Variants in NGF observed in about 807,000 individuals in gnomAD.
NGF encodes the protein nerve growth factor.
NGF carries 4 observed loss-of-function variants against 12.8 expected under a neutral mutation model. The ratio of observed to expected loss-of-function variants is 0.31; its 90% CI spans 0.15 to 0.72. NGF has a LOEUF of 0.72. Among genes scored for constraint, NGF ranks in the 30% least tolerant of loss-of-function variants. The probability of loss-of-function intolerance (pLI) is 0.69; values close to 1 mark genes in which losing one functional copy is unlikely to be tolerated. For synonymous variants in NGF, 140 were observed against 130.0 expected, an observed-to-expected ratio of 1.08 and a Z score of -0.52; for missense variants, 283 against 330.8, an observed-to-expected ratio of 0.86 and a Z score of 1.12.
intron 1 of NGF, among the ~76,000 whole-genome samples, chr1:115,335,342 G>A (rs1052565154): frequency 5.9e-5 from 9 of 152,282 alleles, no homozygotes; most frequent in Admixed American, 1.3e-4. Flanking sequence ...GTTATCAAGC[G>A]ATGTCTCATG....
intron 2 of NGF, among the ~76,000 whole-genome samples, chr1:115,290,386 C>CTTTTTT (rs67332447): frequency 3.1e-5 from 2 of 64,412 alleles, no homozygotes; most frequent in Admixed American, 2.5e-4. Context: ...CTTCTCTCAT[C>CTTTTTT]TTTTTTTTTT....
At position 115,330,703 on chromosome 1, in the gene NGF, C is replaced by G. The variant is rs150470804; in HGVS notation, c.-137+7501G>C. On this transcript the variant is annotated intron_variant, in intron 1 of 2. Transcript: ENST00000369512. ...GATCAGGTGGCTCAGCTCGAGTCAG[C>G]CCTGATGGGCTGTGGACTCGGTGAC... Among the ~76,000 whole-genome samples the G allele has an allele frequency of 7.5e-3, 1,076 of 143,270 alleles. 17 individuals are homozygous for G. The highest frequency in any genetic ancestry group is 0.025 in the African/African-American group (1,017 of 40,724). The allele number at this position is 143,270 out of a possible 152,430, so 94.0% of individuals were successfully genotyped here. A position where few individuals can be genotyped will look rare whatever the true frequency, so the allele number is the denominator to read the frequency against.
Position 115,286,772 on chromosome 1 carries a change from C to A in NGF, c.24G>T (p.Leu8=). 6.2e-7 allele frequency: 1 copy of A among 1,614,144 alleles called. No homozygotes were observed. The highest frequency in any genetic ancestry group is 1.1e-5 in the South Asian group (1 of 91,070). ...GTATGCCGATCAGAAAAGCTGTGAT[C>A]AGAGTGTAGAACAACATGGACATTA... MSMLFYT[L]ITAFLIGIQA... is the part of the protein sequence containing the mutation. The change falls in exon 3 of 3, where the codon CTG becomes CTT. Residue 8 remains leucine, a synonymous_variant. Transcript: ENST00000369512.
chr1:115,314,550 C>G (rs748066907), intron 1 of NGF, among the ~76,000 whole-genome samples: 6 of 152,330 alleles, frequency 3.9e-5, no homozygotes, highest in Non-Finnish European at 8.8e-5. Context: ...TCAACACACA[C>G]TTAATGAGCA....
chr1:115,310,680 G>A (rs1460959446), intron 1 of NGF, among the ~76,000 whole-genome samples: 1 of 152,202 alleles, frequency 6.6e-6, no homozygotes, highest in Non-Finnish European at 1.5e-5. Context: ...AAATGCTAAG[G>A]GTTGAGAACT....
chr1:115,310,670 A>G (rs1654313625), intron 1 of NGF, among the ~76,000 whole-genome samples: 1 of 152,196 alleles, frequency 6.6e-6, no homozygotes, highest in Non-Finnish European at 1.5e-5. Flanking sequence ...CTTGGGCATG[A>G]AATGCTAAGG....
Position 115,285,956 on chromosome 1 carries a change from G to A in NGF, c.*114C>T, listed in dbSNP as rs1005913948. On this transcript the variant is annotated 3_prime_UTR_variant, in exon 3 of 3. Transcript: ENST00000369512. ...TAATAAATAATGATTCTTTAAAACT[G>A]TATAAACTATAAATTACCATGCAGT... The A allele has an allele frequency of 1.8e-5, 25 of 1,379,392 alleles. No individual in the cohort carries two copies. The highest frequency in any genetic ancestry group is 2.4e-5 in the Non-Finnish European group (25 of 1,030,538). 85.4% of individuals were successfully genotyped at this position (1,379,392 alleles called of 1,614,324 possible).
intron 1 of NGF, among the ~76,000 whole-genome samples, chr1:115,332,318 G>A (rs772960956): frequency 1.3e-4 from 20 of 152,156 alleles, no homozygotes. Context: ...ACAAGGCGAA[G>A]ATAAATCGCA....
At chr1:115,319,396 CAT>C (rs767816738) in intron 1 of NGF, among the ~76,000 whole-genome samples, 12 of 152,276 alleles carry the variant, frequency 7.9e-5, no homozygotes, top group African/African-American at 9.6e-5. Flanking sequence ...AGCACACACA[CAT>C]GTGTACATGT....
intron 1 of NGF, among the ~76,000 whole-genome samples, chr1:115,308,714 C>A (rs979849467): frequency 4.6e-5 from 7 of 150,954 alleles, no homozygotes; most frequent in African/African-American, 1.5e-4. Flanking sequence ...AAAAAGGAAG[C>A]AATGAAGGAG....
intron 1 of NGF, among the ~76,000 whole-genome samples, chr1:115,298,226 G>A (rs939159722): frequency 1.3e-5 from 2 of 152,130 alleles, no homozygotes; most frequent in African/African-American, 4.8e-5. Flanking sequence ...CACTTAAAAT[G>A]TTCTCTGGCA....
chr1:115,309,460 G>A (rs975291051), intron 1 of NGF, among the ~76,000 whole-genome samples: 2 of 152,074 alleles, frequency 1.3e-5, no homozygotes, highest in African/African-American at 4.8e-5. Context: ...AAGTTCTGGG[G>A]TACATGTGCA....
At chr1:115,290,047 C>T (rs1653635004) in intron 2 of NGF, among the ~76,000 whole-genome samples, 1 of 152,140 alleles carries the variant, frequency 6.6e-6, no homozygotes, top group Non-Finnish European at 1.5e-5. Context: ...AAAGCCTGCT[C>T]TGATCATATC....
At chr1:115,333,481 TCTGA>T (rs1339635609) in intron 1 of NGF, among the ~76,000 whole-genome samples, 3 of 132,140 alleles carry the variant, frequency 2.3e-5, no homozygotes, top group Non-Finnish European at 4.6e-5. Context: ...ACTGTCTGAC[TCTGA>T]CTAATAGTAC....
intron 1 of NGF, among the ~76,000 whole-genome samples, chr1:115,327,229 T>C (rs17033692): frequency 0.093 from 14,227 of 152,288 alleles, 802 homozygotes; most frequent in East Asian, 0.25. Context: ...TTGTGCACCA[T>C]GTCAACTTAA....
At chr1:115,315,391 G>A (rs1265803325) in intron 1 of NGF, among the ~76,000 whole-genome samples, 1 of 152,144 alleles carries the variant, frequency 6.6e-6, no homozygotes, top group Admixed American at 6.5e-5. Flanking sequence ...AGAAGACAAT[G>A]GAAGTGGGAT....
intron 1 of NGF, among the ~76,000 whole-genome samples, chr1:115,331,477 T>C (rs1482292772): frequency 1.3e-5 from 2 of 152,342 alleles, no homozygotes; most frequent in Admixed American, 1.3e-4. Flanking sequence ...CCAGTTTTGA[T>C]ACTGCTTGCA....
intron 1 of NGF, among the ~76,000 whole-genome samples, chr1:115,321,480 G>A (rs1408019197): frequency 1.3e-5 from 2 of 151,814 alleles, no homozygotes; most frequent in African/African-American, 4.8e-5. Flanking sequence ...TTCAACACTA[G>A]GATTCTATGG....
At position 115,286,167 on chromosome 1, in the gene NGF, G is replaced by T; in HGVS notation, c.629C>A (p.Ala210Glu). The change falls in exon 3 of 3, where the codon GCG (alanine) becomes GAG (glutamate). Residue 210 changes from alanine to glutamate, a missense_variant. By Grantham distance (107) the Ala-to-Glu change is moderately radical (BLOSUM62 -1). Transcript: ENST00000369512. ...AGCCTGCTTGCCATCCATGGTCAGC[G>T]CCTTGACAAAGGTGTGAGTCGTGGT... ...YCTTTHTFVK[A>E]LTMDGKQAAW... is the part of the protein sequence containing the mutation. 6.2e-7 allele frequency: 1 copy of T among 1,613,966 alleles called. No individual in the cohort carries two copies. Among genetic ancestry groups the T allele is most frequent in the Non-Finnish European group, 8.5e-7 (1 of 1,179,942 alleles).
Sources: gnomAD v4.1 joint callset for allele counts (sites outside exome capture counted in the v4.1 genomes callset) on GRCh38, gnomAD v4.1.1 for gene constraint, MANE v1.5 for transcripts, NCBI Gene and HGNC (gene_info 2026-07-23, HGNC 2026-07-21) for gene names.